ADAM17: variants seen among roughly 807,000 people sequenced by gnomAD.
ADAM17 encodes ADAM metallopeptidase domain 17.
In ADAM17, 39 loss-of-function variants were observed where a neutral mutation model predicts 96.7. That is an observed-to-expected ratio of 0.40 (90% CI 0.31 to 0.53). The LOEUF is 0.53. Among genes scored for constraint, ADAM17 ranks in the 20% least tolerant of loss-of-function variants. The pLI, the probability that ADAM17 is intolerant of heterozygous loss-of-function variation, is 0.44. For synonymous variants in ADAM17, 344 were observed against 359.2 expected (o/e 0.96, Z 0.48); for missense variants, 777 against 1,013.2 (o/e 0.77, Z 3.17).
chr2:9,490,547 T>C (rs751833334), intron 18 of ADAM17, 29 bp from the exon 19 acceptor site: 251 of 1,589,028 alleles, frequency 1.6e-4, no homozygotes, highest in Non-Finnish European at 1.9e-4. Flanking sequence ...AATTGATTGA[T>C]AGGAATAAAA....
chr2:9,499,210 T>C (rs1025640095), intron 13 of ADAM17, among the ~76,000 whole-genome samples: 2 of 151,890 alleles, frequency 1.3e-5, no homozygotes, highest in African/African-American at 4.8e-5. Context: ...ATCTACTATT[T>C]TGTATAAAAT....
In ADAM17 at chr2:9,505,174, G is replaced by A; in HGVS notation, c.1536C>T (p.Val512=). The part of the protein sequence containing the change: ...CNSDCTLKEG[V]QCSDRNSPCC... ...GTGGAGAGACTCCTCACCTGCACTG[G>A]ACACCTTCCTTCAACGTGCAGTCGC... The change falls in exon 12 of 19, where the codon GTC becomes GTT. Residue 512 remains valine, a synonymous_variant. Coordinates refer to ENST00000310823, the MANE Select transcript of ADAM17 (RefSeq NM_003183.6). 1 of 1,614,126 alleles carries A rather than the reference G, an allele frequency of 6.2e-7. No homozygotes were observed. Among genetic ancestry groups the A allele is most frequent in the Non-Finnish European group, 8.5e-7 (1 of 1,180,016 alleles).
chr2:9,518,896 TG>T (rs36121123), intron 8 of ADAM17, among the ~76,000 whole-genome samples: 84,757 of 146,254 alleles, frequency 0.58, 25,455 homozygotes, highest in Middle Eastern at 0.75. Context: ...AACCTTAATT[TG>T]GGGGGGGGGT....
chr2:9,491,047 T>A (rs1662097698), intron 18 of ADAM17, 54 bp downstream of exon 18: 3 of 1,530,648 alleles, frequency 2.0e-6, no homozygotes, highest in African/African-American at 1.4e-5. Flanking sequence ...GGTCTTTGCC[T>A]AACAGGGCCT....
chr2:9,518,320 T>C, intron 8 of ADAM17, 73 bp from the exon 9 acceptor site: 9 of 1,423,342 alleles, frequency 6.3e-6, no homozygotes, highest in Non-Finnish European at 8.3e-6. Flanking sequence ...CTAAAAGATG[T>C]AATCTAAATC....
At chr2:9,492,400 T>A (rs762298798) in intron 17 of ADAM17, among the ~76,000 whole-genome samples, 10 of 152,234 alleles carry the variant, frequency 6.6e-5, no homozygotes, top group Non-Finnish European at 1.3e-4. Context: ...GACTGCTTAC[T>A]CTTATTTTTT....
chr2:9,540,604 T>C (rs907909607), intron 2 of ADAM17, among the ~76,000 whole-genome samples: 3 of 152,106 alleles, frequency 2.0e-5, no homozygotes, highest in African/African-American at 7.2e-5. Flanking sequence ...CTAAGGATAA[T>C]TGCAATAGCT....
intron 1 of ADAM17, among the ~76,000 whole-genome samples, chr2:9,549,953 G>T (rs1248193827): frequency 6.6e-6 from 1 of 152,114 alleles, no homozygotes; most frequent in Non-Finnish European, 1.5e-5. Context: ...AGTACGAAAA[G>T]TTCCCCCAAA....
At chr2:9,551,240 A>G (rs1168422329) in intron 1 of ADAM17, among the ~76,000 whole-genome samples, 2 of 146,228 alleles carry the variant, frequency 1.4e-5, no homozygotes, top group South Asian at 4.3e-4. Context: ...AACAACAAAG[A>G]AAAAAAAAAA....
At chr2:9,513,698 C>T (rs1030831354) in intron 10 of ADAM17, among the ~76,000 whole-genome samples, 2 of 151,896 alleles carry the variant, frequency 1.3e-5, no homozygotes, top group African/African-American at 4.8e-5. Context: ...GAGATTTTTT[C>T]CCCTAAAACA....
At chr2:9,554,205 G>T (rs1665671057) in intron 1 of ADAM17, among the ~76,000 whole-genome samples, 1 of 152,196 alleles carries the variant, frequency 6.6e-6, no homozygotes, top group African/African-American at 2.4e-5. Flanking sequence ...TAACATAAGT[G>T]AAACAGTTGT....
At chr2:9,527,140 T>C (rs1414907049) in intron 5 of ADAM17, among the ~76,000 whole-genome samples, 2 of 152,198 alleles carry the variant, frequency 1.3e-5, no homozygotes, top group African/African-American at 4.8e-5. Context: ...CTGACCAACA[T>C]GGTGAAACCC....
intron 13 of ADAM17, 125 bp from the exon 14 acceptor site, chr2:9,497,373 A>G: frequency 8.0e-7 from 1 of 1,249,382 alleles, no homozygotes; most frequent in South Asian, 1.4e-5. Context: ...AGTGACCTAC[A>G]GAGCTAGGAC....
At chr2:9,534,950 T>C (rs1664901456) in intron 4 of ADAM17, among the ~76,000 whole-genome samples, 2 of 152,250 alleles carry the variant, frequency 1.3e-5, no homozygotes, top group Non-Finnish European at 2.9e-5. Flanking sequence ...TTTCTGACTC[T>C]TTCTGGTAGG....
At chr2:9,502,812 G>A (rs1663086828) in intron 12 of ADAM17, among the ~76,000 whole-genome samples, 1 of 147,116 alleles carries the variant, frequency 6.8e-6, no homozygotes, top group Non-Finnish European at 1.5e-5. Context: ...CCCGGAGACA[G>A]AGGTTGCAGT....
intron 14 of ADAM17, 95 bp downstream of exon 14, chr2:9,497,019 G>A: frequency 1.9e-6 from 3 of 1,540,030 alleles, no homozygotes; most frequent in Non-Finnish European, 2.6e-6. Flanking sequence ...TCTCACCACT[G>A]CTGTCATTCG....
At chr2:9,528,499 G>C (rs980907560) in intron 4 of ADAM17, among the ~76,000 whole-genome samples, 1 of 152,174 alleles carries the variant, frequency 6.6e-6, no homozygotes, top group African/African-American at 2.4e-5. Context: ...CTTATTACTT[G>C]TTTCAGCGAA....
chr2:9,545,501 C>T (rs900448669), intron 1 of ADAM17, among the ~76,000 whole-genome samples: 5 of 148,614 alleles, frequency 3.4e-5, no homozygotes, highest in African/African-American at 1.3e-4. Context: ...ACCTGGGAGG[C>T]GGAGGTTGCA....
chr2:9,493,742 C>A lies in ADAM17; in HGVS notation c.1993+5G>T. On this transcript the variant is annotated splice_donor_5th_base_variant and intron_variant, in intron 16 of 18. Coordinates refer to ENST00000310823, the MANE Select transcript of ADAM17 (RefSeq NM_003183.6). ...CTCAGTAAGTAATCTGGGGAAATCA[C>A]CTACCAAAAGTATTGATGCTCAGCT... The A allele has an allele frequency of 6.2e-7, 1 of 1,612,486 alleles. No homozygotes were observed. Among genetic ancestry groups the A allele is most frequent in the Middle Eastern group, 1.7e-4 (1 of 6,056 alleles).
Sources: allele counts gnomAD v4.1 joint callset (sites outside exome capture counted in the v4.1 genomes callset), GRCh38; gene constraint gnomAD v4.1.1; transcripts MANE v1.5; gene names NCBI Gene and HGNC (gene_info 2026-07-23, HGNC 2026-07-21).